Variants in VRK3 observed in about 807,000 individuals in gnomAD.
The protein encoded by VRK3 is VRK serine/threonine kinase 3, also known as serine/threonine-protein kinase VRK3.
A neutral mutation model predicts 60.4 loss-of-function variants in VRK3; 50 were observed. The ratio of observed to expected loss-of-function variants is 0.83; its 90% CI spans 0.66 to 1.05. The LOEUF is 1.05. VRK3 is among the 50% of genes least tolerant of loss of function. The pLI is 0.00. For missense variants in VRK3, 549 were observed against 585.3 expected, an observed-to-expected ratio of 0.94 and a Z score of 0.64; for synonymous variants, 246 against 227.8, an observed-to-expected ratio of 1.08 and a Z score of -0.72.
At chr19:49,988,867 C>T (rs28604969) in intron 11 of VRK3, among the ~76,000 whole-genome samples, 1,570 of 152,194 alleles carry the variant, frequency 0.01, 22 homozygotes, top group African/African-American at 0.036. Context: ...CTATAGCGTG[C>T]GACTACCTGA....
chr19:49,981,077 A>C, intron 12 of VRK3, 64 bp from the exon 13 acceptor site: 1 of 1,453,830 alleles, frequency 6.9e-7, no homozygotes, highest in Admixed American at 1.8e-5. Flanking sequence ...TTTAAAACAG[A>C]ATGCCTAAGA....
intron 3 of VRK3, among the ~76,000 whole-genome samples, chr19:50,012,686 C>A (rs1371873872): frequency 6.6e-6 from 1 of 151,986 alleles, no homozygotes; most frequent in African/African-American, 2.4e-5. Context: ...ACCAGCCTGG[C>A]CAACATGGGG....
chr19:50,022,872 T>C (rs2077193293), intron 1 of VRK3, among the ~76,000 whole-genome samples: 1 of 152,134 alleles, frequency 6.6e-6, no homozygotes. Context: ...TGGATTTCAT[T>C]TTAGACAGAA....
rs202037122 is a variant in VRK3 at position 50,016,000 on chromosome 19, C to G, written c.139+24G>C. On this transcript the variant is annotated intron_variant, in intron 3 of 14. Coordinates refer to ENST00000316763, the MANE Select transcript of VRK3 (RefSeq NM_016440.4). ...ATGCACCTTATTCCCACCGCAGAAA[C>G]AGGCTCAATGCTCTGGTTCTTACCT... is the stretch of plus-strand genomic sequence containing the variant. The G allele has an allele frequency of 1.3e-3, 2,112 of 1,614,064 alleles. 4 individuals carry two copies. The highest frequency in any genetic ancestry group is 1.7e-3 in the Non-Finnish European group (1,968 of 1,179,912).
chr19:49,997,720 A>C (rs577978404), intron 6 of VRK3, 150 bp from the exon 7 acceptor site: 10 of 728,560 alleles, frequency 1.4e-5, no homozygotes, highest in Non-Finnish European at 2.2e-5. Flanking sequence ...ACTGCACACA[A>C]ACACACATCA....
chr19:49,979,337 A>T (rs935785427), intron 13 of VRK3, 95 bp from the exon 14 acceptor site: 6 of 1,558,052 alleles, frequency 3.9e-6, no homozygotes, highest in Non-Finnish European at 5.3e-6. Context: ...GGGGTGGGGG[A>T]CTGAGGGGCA....
chr19:50,025,004 A>C (rs1185041293), intron 1 of VRK3: 1 of 152,222 alleles, frequency 6.6e-6, no homozygotes, highest in Non-Finnish European at 1.5e-5. Flanking sequence ...TTAGACGCCA[A>C]GTTTCACAGC....
chr19:50,007,829 G>A lies in VRK3; in HGVS notation c.290-3C>T, dbSNP rs150119624. On this transcript the variant is annotated splice_polypyrimidine_tract_variant and splice_region_variant and intron_variant, in intron 4 of 14. Transcript: ENST00000316763. ...GGTTGGGGGTCTGCTCCCGGAGCCT[G>A]CAGGAGGATGTAAGAATAAAGTAAA... The A allele has an allele frequency of 1.3e-4, 207 of 1,614,118 alleles. No individual in the cohort carries two copies. The African/African-American group carries it at 2.2e-3, about 17-fold the overall frequency.
chr19:50,011,655 G>T (rs1234158713), intron 3 of VRK3, among the ~76,000 whole-genome samples: 4 of 151,246 alleles, frequency 2.6e-5, no homozygotes, highest in Non-Finnish European at 3.0e-5. Flanking sequence ...CACTCCTCCA[G>T]CGTGTAGTTA....
intron 5 of VRK3, among the ~76,000 whole-genome samples, chr19:50,006,668 C>G (rs947970483): frequency 6.6e-6 from 1 of 152,120 alleles, no homozygotes; most frequent in Non-Finnish European, 1.5e-5. Context: ...AGCCACCGCG[C>G]CTGGCCAATA....
At chr19:49,989,348 C>T (rs1333710764) in intron 11 of VRK3, among the ~76,000 whole-genome samples, 1 of 152,210 alleles carries the variant, frequency 6.6e-6, no homozygotes, top group East Asian at 1.9e-4. Flanking sequence ...AACAGCCCCT[C>T]CTGGATGACT....
At chr19:49,994,038 G>A (rs909326103) in intron 9 of VRK3, among the ~76,000 whole-genome samples, 1 of 152,286 alleles carries the variant, frequency 6.6e-6, no homozygotes, top group African/African-American at 2.4e-5. Flanking sequence ...GGCCCCGTGT[G>A]ATGTGGTCAC....
intron 3 of VRK3, among the ~76,000 whole-genome samples, chr19:50,011,399 T>C (rs981285923): frequency 3.3e-5 from 5 of 152,252 alleles, no homozygotes; most frequent in Admixed American, 1.3e-4. Flanking sequence ...GTCCTTTCTT[T>C]TTAGTTGACA....
chr19:49,976,876 G>C (rs942941457), intron 14 of VRK3, 92 bp from the exon 15 acceptor site: 1 of 152,248 alleles, frequency 6.6e-6, no homozygotes, highest in East Asian at 1.9e-4. Flanking sequence ...CTAGGTTCTG[G>C]GGATGTCATC....
At chr19:50,005,922 C>T (rs767563861) in intron 5 of VRK3, among the ~76,000 whole-genome samples, 12 of 149,160 alleles carry the variant, frequency 8.0e-5, no homozygotes, top group Non-Finnish European at 1.8e-4. Context: ...GTGACAGAAA[C>T]GTCCTGGAAT....
chr19:49,987,249 G>A, intron 12 of VRK3, among the ~76,000 whole-genome samples: 1 of 152,156 alleles, frequency 6.6e-6, no homozygotes, highest in Non-Finnish European at 1.5e-5. Flanking sequence ...CCTTGGTGCT[G>A]AACTCATACC....
intron 5 of VRK3, among the ~76,000 whole-genome samples, chr19:50,002,412 G>C (rs745907093): frequency 2.0e-5 from 3 of 152,090 alleles, no homozygotes; most frequent in Non-Finnish European, 4.4e-5. Flanking sequence ...GCTGTGGGGA[G>C]AGCACTGGGG....
At position 49,988,499 on chromosome 19, in the gene VRK3, AAGG is replaced by A. The variant is rs759700843; in HGVS notation, c.1097-10_1097-8del. The A allele has an allele frequency of 1.3e-4, 205 of 1,611,532 alleles. No homozygotes were observed. The highest frequency in any genetic ancestry group is 2.3e-4 in the Admixed American group (14 of 59,924). ...TCGCTGCGGCGGGAGGGCCCTGGGG[AAGG>A]AGGAGTAAAGGTGGCAGCTCAAGTC... On this transcript the variant is annotated splice_region_variant and splice_polypyrimidine_tract_variant and intron_variant, in intron 11 of 14. Transcript: ENST00000316763.
In VRK3 at chr19:50,016,005, T is replaced by C. The variant is rs1447038306; in HGVS notation, c.139+19A>G. 6.2e-7 allele frequency: 1 copy of C among 1,613,766 alleles called. No homozygotes were observed. The highest frequency in any genetic ancestry group is 1.1e-5 in the South Asian group (1 of 91,024). ...CCTTATTCCCACCGCAGAAACAGGC[T>C]CAATGCTCTGGTTCTTACCTTGGAA... On this transcript the variant is annotated intron_variant, in intron 3 of 14. Coordinates refer to ENST00000316763, the MANE Select transcript of VRK3 (RefSeq NM_016440.4).
Sources: gnomAD v4.1 joint callset for allele counts (sites outside exome capture counted in the v4.1 genomes callset) on GRCh38, gnomAD v4.1.1 for gene constraint, MANE v1.5 for transcripts, NCBI Gene and HGNC (gene_info 2026-07-23, HGNC 2026-07-21) for gene names.